SSH2: variants seen among roughly 807,000 people sequenced by gnomAD.
SSH2 encodes protein phosphatase Slingshot homolog 2.
Under a neutral mutation model 135.2 loss-of-function variants are expected in SSH2, and 37 were observed. The observed-to-expected ratio is 0.27, with a 90% CI of 0.21 to 0.36. The LOEUF is 0.36. SSH2 is among the 10% of genes least tolerant of loss of function. The pLI is 1.00. For synonymous variants in SSH2, 628 were observed against 646.2 expected (o/e 0.97, Z 0.43); for missense variants, 1,408 against 1,765.3 (o/e 0.80, Z 3.63).
intron 1 of SSH2, among the ~76,000 whole-genome samples, chr17:29,860,633 T>C (rs1018073554): frequency 3.3e-5 from 5 of 152,094 alleles, no homozygotes; most frequent in Non-Finnish European, 7.4e-5. Context: ...GGTTTCGCCA[T>C]GTTGGCCAGG....
At chr17:29,670,131 C>T (rs2037434198) in intron 9 of SSH2, among the ~76,000 whole-genome samples, 2 of 152,122 alleles carry the variant, frequency 1.3e-5, no homozygotes, top group South Asian at 2.1e-4. Flanking sequence ...ATCTACCTGC[C>T]TTGGCCTCCC....
intron 1 of SSH2, among the ~76,000 whole-genome samples, chr17:29,921,308 C>T (rs1401162206): frequency 1.3e-5 from 2 of 152,142 alleles, no homozygotes; most frequent in Non-Finnish European, 2.9e-5. Flanking sequence ...GTCTAGTATA[C>T]AGTAAGTGTT....
intron 3 of SSH2, among the ~76,000 whole-genome samples, chr17:29,739,875 T>C (rs908219925): frequency 6.6e-6 from 1 of 152,318 alleles, no homozygotes; most frequent in South Asian, 2.1e-4. Context: ...CTCCAATACA[T>C]CACAATTTAA....
intron 1 of SSH2, among the ~76,000 whole-genome samples, chr17:29,911,789 G>C (rs1312963189): frequency 1.3e-5 from 2 of 152,216 alleles, no homozygotes; most frequent in Non-Finnish European, 2.9e-5. Context: ...CAGTAGTAGA[G>C]TAATGAAATG....
At chr17:29,720,186 A>G (rs757979899) in intron 3 of SSH2, among the ~76,000 whole-genome samples, 6 of 152,214 alleles carry the variant, frequency 3.9e-5, no homozygotes, top group South Asian at 2.1e-4. Flanking sequence ...TTATCCACCA[A>G]TGTACCAATA....
At chr17:29,661,922 T>C (rs142922308) in intron 11 of SSH2, among the ~76,000 whole-genome samples, 55 of 152,230 alleles carry the variant, frequency 3.6e-4, no homozygotes, top group African/African-American at 1.3e-3. Flanking sequence ...CTGCTTCAGG[T>C]TCAGTTTGAA....
rs758137888 is a variant in SSH2 at position 29,671,969 on chromosome 17, G to A, written c.775C>T (p.His259Tyr). 3.1e-6 allele frequency: 5 copies of A among 1,613,994 alleles called. No homozygotes were observed. Among genetic ancestry groups the A allele is most frequent in the Non-Finnish European group, 4.2e-6 (5 of 1,179,918 alleles). ...AAGAGAGCTGGAGAGTCGGGCCGGTGGGACTGTACATCTTGCATTGCATTC... is the reference window on the plus strand; with the variant it reads ...AAGAGAGCTGGAGAGTCGGGCCGGTAGGACTGTACATCTTGCATTGCATTC... ...EWNAMQDVQS[H>Y]RPDSPALFTD... Residue 259 changes from histidine (H) to tyrosine (Y), a missense_variant, in exon 9 of 16, where the codon CAC (histidine) becomes TAC (tyrosine). Coordinates refer to ENST00000540801, the MANE Select transcript of SSH2 (RefSeq NM_001282129.2).
At chr17:29,902,532 TAA>T (rs935869503) in intron 1 of SSH2, among the ~76,000 whole-genome samples, 1 of 145,426 alleles carries the variant, frequency 6.9e-6, no homozygotes, top group Non-Finnish European at 1.5e-5. Flanking sequence ...CTGTTGCCCT[TAA>T]AAAAAAAAAC....
At chr17:29,910,827 GA>G (rs1328498009) in intron 1 of SSH2, among the ~76,000 whole-genome samples, 1 of 151,642 alleles carries the variant, frequency 6.6e-6, no homozygotes, top group Non-Finnish European at 1.5e-5. Flanking sequence ...AATTCAAACT[GA>G]AAAAAAATAA....
intron 3 of SSH2, among the ~76,000 whole-genome samples, chr17:29,714,411 C>G (rs2039542573): frequency 1.3e-5 from 2 of 152,174 alleles, no homozygotes; most frequent in Non-Finnish European, 2.9e-5. Flanking sequence ...GGCTTTCAAG[C>G]ATTTGGCCTA....
At chr17:29,907,422 T>C (rs1374461275) in intron 1 of SSH2, among the ~76,000 whole-genome samples, 2 of 152,130 alleles carry the variant, frequency 1.3e-5, no homozygotes, top group African/African-American at 4.8e-5. Context: ...ACCTAGGTAA[T>C]GGGATGATCT....
At chr17:29,647,185 C>T (rs1330419721) in intron 14 of SSH2, among the ~76,000 whole-genome samples, 1 of 151,360 alleles carries the variant, frequency 6.6e-6, no homozygotes, top group Non-Finnish European at 1.5e-5. Context: ...TGGCGTGAAC[C>T]TGGGAGGCGG....
intron 1 of SSH2, among the ~76,000 whole-genome samples, chr17:29,877,397 A>C (rs1454471808): frequency 6.6e-6 from 1 of 152,226 alleles, no homozygotes; most frequent in Non-Finnish European, 1.5e-5. Flanking sequence ...AAAAGAAATC[A>C]GTATATCACA....
chr17:29,925,769 C>T (rs2067053454), intron 1 of SSH2, among the ~76,000 whole-genome samples: 1 of 150,918 alleles, frequency 6.6e-6, no homozygotes, highest in Non-Finnish European at 1.5e-5. Context: ...GTTTTCACCA[C>T]AAAAAAAGCT....
intron 5 of SSH2, among the ~76,000 whole-genome samples, chr17:29,690,964 T>A (rs905124566): frequency 1.1e-4 from 17 of 151,152 alleles, no homozygotes; most frequent in African/African-American, 2.2e-4. Flanking sequence ...ACACACACAC[T>A]CTCTCTCTCA....
chr17:29,743,145 TG>T (rs2040629665), intron 3 of SSH2, among the ~76,000 whole-genome samples: 1 of 151,994 alleles, frequency 6.6e-6, no homozygotes, highest in Admixed American at 6.6e-5. Flanking sequence ...TTGGCCAAGA[TG>T]GTCTTGAACT....
intron 1 of SSH2, among the ~76,000 whole-genome samples, chr17:29,866,885 T>C (rs2065862915): frequency 6.6e-6 from 1 of 152,194 alleles, no homozygotes; most frequent in Non-Finnish European, 1.5e-5. Context: ...CAGGCTGGAG[T>C]GCAGTAGTGC....
chr17:29,898,039 A>C (rs1280010837), intron 1 of SSH2, among the ~76,000 whole-genome samples: 6 of 152,244 alleles, frequency 3.9e-5, no homozygotes, highest in Non-Finnish European at 7.3e-5. Context: ...CTGGGTACAT[A>C]ATGAAATGAA....
chr17:29,786,352 C>A (rs992249577), intron 3 of SSH2, among the ~76,000 whole-genome samples: 1 of 152,192 alleles, frequency 6.6e-6, no homozygotes, highest in Non-Finnish European at 1.5e-5. Flanking sequence ...CTGGCCCCTC[C>A]TCTTCCTTTG....
Sources: allele counts gnomAD v4.1 joint callset (sites outside exome capture counted in the v4.1 genomes callset), GRCh38; gene constraint gnomAD v4.1.1; transcripts MANE v1.5; gene names NCBI Gene and HGNC (gene_info 2026-07-23, HGNC 2026-07-21).